LRRK1: variants seen among roughly 807,000 people sequenced by gnomAD.
LRRK1 encodes leucine-rich repeat serine/threonine-protein kinase 1.
LRRK1 carries 113 observed loss-of-function variants against 209.1 expected under a neutral mutation model. That is an observed-to-expected ratio of 0.54 (90% CI 0.46 to 0.63). The LOEUF (loss-of-function observed/expected upper bound fraction) is 0.63, where lower values mean the gene tolerates loss of function less well. Among genes scored for constraint, LRRK1 ranks in the 30% least tolerant of loss-of-function variants. The pLI, the probability that LRRK1 is intolerant of heterozygous loss-of-function variation, is 0.00. For synonymous variants in LRRK1, 1,144 were observed against 1,099.7 expected (o/e 1.04, Z -0.80); for missense variants, 2,284 against 2,632.2 (o/e 0.87, Z 2.89).
intron 33 of LRRK1, among the ~76,000 whole-genome samples, 167 bp from the exon 34 acceptor site, chr15:101,068,504 C>T (rs576670588): frequency 2.6e-5 from 4 of 152,192 alleles, no homozygotes; most frequent in Non-Finnish European, 5.9e-5. Flanking sequence ...AGGCTGGCCA[C>T]TGGGGAGAAG....
chr15:101,006,388 A>AG (rs908292073), intron 6 of LRRK1, among the ~76,000 whole-genome samples: 1 of 147,204 alleles, frequency 6.8e-6, no homozygotes, highest in African/African-American at 2.7e-5. Flanking sequence ...AAAAAAAAAA[A>AG]AAAAGAAAAG....
At chr15:101,015,767 G>T (rs2033508550) in intron 12 of LRRK1, among the ~76,000 whole-genome samples, 1 of 152,174 alleles carries the variant, frequency 6.6e-6, no homozygotes, top group Non-Finnish European at 1.5e-5. Flanking sequence ...CACGTGGGGA[G>T]ACTGAGGCTC....
At position 101,062,245 on chromosome 15, in the gene LRRK1, C is replaced by T. The variant is rs137871596; in HGVS notation, c.4798-329C>T. On this transcript the variant is annotated intron_variant, in intron 30 of 33. Transcript: ENST00000388948. ...GAAGAACAGTGAGAAGACAGCATTG[C>T]GGCGTGAGTCCACTTTGCCAGTACC... 810 of 249,478 alleles carry T rather than the reference C, an allele frequency of 3.2e-3. 4 individuals are homozygous for T. Among genetic ancestry groups the T allele is most frequent in the Middle Eastern group, 4.1e-3 (3 of 726 alleles). The allele number at this position is 249,478 out of a possible 1,614,324, so 15.5% of individuals were successfully genotyped here.
At chr15:101,063,388 G>C (rs1378890771) in intron 31 of LRRK1, among the ~76,000 whole-genome samples, 1 of 152,162 alleles carries the variant, frequency 6.6e-6, no homozygotes, top group African/African-American at 2.4e-5. Context: ...TCCAGGAACA[G>C]CCCCTCCACG....
rs895266392 is a variant in LRRK1, at chr15:101,027,129, C to G, written c.2406-132C>G. 2.8e-5 allele frequency: 32 copies of G among 1,159,722 alleles called. No individual in the cohort carries two copies. The highest frequency in any genetic ancestry group is 2.7e-4 in the South Asian group (18 of 65,566). 71.8% of individuals were successfully genotyped at this position (1,159,722 alleles called of 1,614,324 possible). A position where few individuals can be genotyped will look rare whatever the true frequency, so the allele number is the denominator to read the frequency against. On this transcript the variant is annotated intron_variant, in intron 17 of 33. Transcript: ENST00000388948. The surrounding 1 kb of genome is among the most constrained non-coding windows in gnomAD (Gnocchi z 5.1). Reference sequence around the variant, plus strand: ...TTGCACAAAGCAAGGCCTCAATAAACTTCTTGTGTTGTCTTTCACGAGTTC... The same window carrying G: ...TTGCACAAAGCAAGGCCTCAATAAAGTTCTTGTGTTGTCTTTCACGAGTTC...
intron 31 of LRRK1, among the ~76,000 whole-genome samples, chr15:101,062,944 G>A (rs978169764): frequency 2.6e-5 from 4 of 152,122 alleles, no homozygotes; most frequent in Admixed American, 6.5e-5. Context: ...ACATGCAAAT[G>A]CCCTGACTCA....
At position 101,075,406 on chromosome 15, in the gene LRRK1, C is replaced by T. The variant is rs2036947724; in HGVS notation, c.*6558C>T. ...AATCCAAAGCCTCCTTTGTGTCCTC[C>T]TCTTGTATCCCCCGACCTTAACCCA... On this transcript the variant is annotated 3_prime_UTR_variant, in exon 34 of 34. Coordinates refer to ENST00000388948, the MANE Select transcript of LRRK1 (RefSeq NM_024652.6). 1 of 122,914 alleles carries T rather than the reference C, an allele frequency of 8.1e-6. No individual in the cohort carries two copies. Among genetic ancestry groups the T allele is most frequent in the African/African-American group, 3.7e-5 (1 of 26,856 alleles). The allele number at this position is 122,914 out of a possible 1,614,324, so 7.6% of individuals were successfully genotyped here.
Position 101,053,433 on chromosome 15 carries a change from G to A in LRRK1, c.4054+13G>A, listed in dbSNP as rs775654070. 1.2e-5 allele frequency: 18 copies of A among 1,561,376 alleles called. No individual in the cohort carries two copies. Among genetic ancestry groups the A allele is most frequent in the African/African-American group, 1.4e-5 (1 of 73,658 alleles). ...GAGAACGCCAGAGGTACCGCGGCGC[G>A]CCGCCCCACCCGGCCCCGGAGACCG... is the stretch of plus-strand genomic sequence containing the variant. On this transcript the variant is annotated intron_variant, in intron 26 of 33. Coordinates refer to ENST00000388948, the MANE Select transcript of LRRK1 (RefSeq NM_024652.6).
chr15:101,056,840 C>T lies in LRRK1; in HGVS notation c.4333-16C>T, dbSNP rs1217635638. 1 of 1,575,198 alleles carries T rather than the reference C, an allele frequency of 6.3e-7. No homozygotes were observed. The highest frequency in any genetic ancestry group is 1.2e-5 in the South Asian group (1 of 85,522). On this transcript the variant is annotated splice_polypyrimidine_tract_variant and intron_variant, in intron 27 of 33. Coordinates refer to ENST00000388948, the MANE Select transcript of LRRK1 (RefSeq NM_024652.6). ...GGGCCCAGGCAGCGACCTGACTTGGCTTGTTCTGTGCCCAGGTAGATATGT... is the reference window on the plus strand; with the variant it reads ...GGGCCCAGGCAGCGACCTGACTTGGTTTGTTCTGTGCCCAGGTAGATATGT...
chr15:101,022,325 C>G lies in LRRK1; in HGVS notation c.1853-58C>G. The G allele has an allele frequency of 6.6e-7, 1 of 1,513,954 alleles. No homozygotes were observed. Among genetic ancestry groups the G allele is most frequent in the Non-Finnish European group, 9.2e-7 (1 of 1,091,978 alleles). 93.8% of individuals were successfully genotyped at this position (1,513,954 alleles called of 1,614,324 possible). A position where few individuals can be genotyped will look rare whatever the true frequency, so the allele number is the denominator to read the frequency against. The stretch of plus-strand genomic sequence containing the variant: ...TTCCTTCACAACAGGATTTTGTGTC[C>G]TAAGAGATGTGAGCATGTGCCCACG... On this transcript the variant is annotated intron_variant, in intron 14 of 33. Transcript: ENST00000388948. The surrounding 1 kb of genome is among the most constrained non-coding windows in gnomAD (Gnocchi z 4.0).
intron 20 of LRRK1, among the ~76,000 whole-genome samples, chr15:101,035,994 G>C (rs2034480348): frequency 6.6e-6 from 1 of 152,162 alleles, no homozygotes; most frequent in Non-Finnish European, 1.5e-5. Flanking sequence ...TAGGTGACTA[G>C]ATTCTTTTCT....
chr15:100,945,054 T>C (rs2042509438), intron 2 of LRRK1, among the ~76,000 whole-genome samples: 1 of 152,244 alleles, frequency 6.6e-6, no homozygotes, highest in Non-Finnish European at 1.5e-5. Context: ...GTGACATGGA[T>C]GCAACTCAGT....
Position 101,014,447 on chromosome 15 carries a change from T to C in LRRK1, c.1532+19T>C, listed in dbSNP as rs2033431518. ...TTGGCAAGTAAGCAGGGGCCTCTCC[T>C]CCCTGGCCAGTTCCAAAGCGTGTGT... On this transcript the variant is annotated intron_variant, in intron 11 of 33. Transcript: ENST00000388948. 1 of 1,542,584 alleles carries C rather than the reference T, an allele frequency of 6.5e-7. No homozygotes were observed. Among genetic ancestry groups the C allele is most frequent in the East Asian group, 2.2e-5 (1 of 44,522 alleles).
rs1596378494 is a variant in LRRK1 at position 101,077,093 on chromosome 15, G to A, written c.*8245G>A. On this transcript the variant is annotated 3_prime_UTR_variant, in exon 34 of 34. Coordinates refer to ENST00000388948, the MANE Select transcript of LRRK1 (RefSeq NM_024652.6). ...TTAAAAACACACCTCACCAAGCTCAGCCACCAACTTAAAAAAGACTGGACA... is the reference window on the plus strand; with the variant it reads ...TTAAAAACACACCTCACCAAGCTCAACCACCAACTTAAAAAAGACTGGACA... 1 of 152,286 alleles carries A rather than the reference G, an allele frequency of 6.6e-6. No homozygotes were observed. The highest frequency in any genetic ancestry group is 2.1e-4 in the South Asian group (1 of 4,822). The allele number at this position is 152,286 out of a possible 1,614,324, so 9.4% of individuals were successfully genotyped here.
intron 2 of LRRK1, among the ~76,000 whole-genome samples, chr15:100,939,183 G>A (rs1344075778): frequency 6.6e-6 from 1 of 152,210 alleles, no homozygotes; most frequent in Non-Finnish European, 1.5e-5. Flanking sequence ...TTTGTTTGGG[G>A]CAGGTTTGTT....
At chr15:101,056,539 AGGACAGGTGGTCGGAT>A (rs1398941345) in intron 27 of LRRK1, among the ~76,000 whole-genome samples, 4 of 152,188 alleles carry the variant, frequency 2.6e-5, no homozygotes, top group African/African-American at 7.2e-5. Context: ...ATAAATGTGC[AGGACAGGTGGTCGGAT>A]GGATAGATGG....
rs554028911 is a variant in LRRK1 at position 101,074,294 on chromosome 15, C to A, written c.*5446C>A. The A allele has an allele frequency of 6.6e-6, 1 of 152,156 alleles. No individual in the cohort carries two copies. 9.4% of individuals were successfully genotyped at this position (152,156 alleles called of 1,614,324 possible). ...CACCATATAATCTTTTTATCACCTC[C>A]CCTCCTCACACCCGGTCCGGCTTAC... On this transcript the variant is annotated 3_prime_UTR_variant, in exon 34 of 34. Coordinates refer to ENST00000388948, the MANE Select transcript of LRRK1 (RefSeq NM_024652.6).
At chr15:100,939,059 C>T (rs56333961) in intron 2 of LRRK1, among the ~76,000 whole-genome samples, 23,484 of 152,178 alleles carry the variant, frequency 0.15, 1,962 homozygotes, top group South Asian at 0.25. Context: ...TGCCATTGCA[C>T]TCCAGCCTGG....
intron 6 of LRRK1, among the ~76,000 whole-genome samples, chr15:101,002,121 A>G (rs541418584): frequency 2.2e-4 from 33 of 152,302 alleles, no homozygotes; most frequent in South Asian, 1.2e-3. Flanking sequence ...TTCTTCAACT[A>G]ATAGGTTTGC....
Sources: gnomAD v4.1 joint callset for allele counts (sites outside exome capture counted in the v4.1 genomes callset) on GRCh38, gnomAD v4.1.1 for gene constraint, Gnocchi (gnomAD v3.1) non-coding constraint, MANE v1.5 for transcripts, NCBI Gene and HGNC (gene_info 2026-07-23, HGNC 2026-07-21) for gene names.